KDM5B: variants seen among roughly 807,000 people sequenced by gnomAD.
The protein encoded by KDM5B is lysine demethylase 5B.
A neutral mutation model predicts 193.4 loss-of-function variants in KDM5B; 144 were observed. The observed-to-expected ratio is 0.74, with a 90% CI of 0.65 to 0.86. The LOEUF is 0.86. Ranked by LOEUF, KDM5B falls within the 40% of genes least tolerant of loss-of-function variation. The probability of loss-of-function intolerance (pLI) is 0.00; values close to 1 mark genes in which losing one functional copy is unlikely to be tolerated. For missense variants in KDM5B, 1,833 were observed against 1,886.9 expected, an observed-to-expected ratio of 0.97 and a Z score of 0.53; for synonymous variants, 668 against 682.6, an observed-to-expected ratio of 0.98 and a Z score of 0.33.
At chr1:202,777,247 T>C (rs1009544148) in intron 1 of KDM5B, among the ~76,000 whole-genome samples, 153 bp from the exon 2 acceptor site, 3 of 151,326 alleles carry the variant, frequency 2.0e-5, no homozygotes, top group Admixed American at 6.6e-5. Context: ...CTTTTGTCCA[T>C]GAGAGCAGCA....
At chr1:202,802,326 C>T (rs1658107966) in intron 1 of KDM5B, among the ~76,000 whole-genome samples, 1 of 152,120 alleles carries the variant, frequency 6.6e-6, no homozygotes, top group Admixed American at 6.5e-5. Context: ...CCCATTACAG[C>T]ATTTAAACAG....
intron 9 of KDM5B, among the ~76,000 whole-genome samples, chr1:202,757,081 G>T (rs1184612182): frequency 3.3e-5 from 4 of 122,152 alleles, no homozygotes; most frequent in Admixed American, 9.1e-5. Context: ...AGGGCAGGGC[G>T]CAAGGGCTGG....
rs757782791 is a variant in KDM5B, at chr1:202,735,561, G to A, written c.3291C>T (p.Gly1097=). Residue 1097 remains glycine (G), a synonymous_variant, in exon 22 of 27, where the codon GGC becomes GGT. Transcript: ENST00000367265. ...TCTGCTTCCTTTTCAATCCCAAAAG[G>A]CCAATATCACATCGAGGACACAGCA... ...LEVLCPRCDI[G]LLGLKRKQRK... 5 of 1,613,758 alleles carry A rather than the reference G, an allele frequency of 3.1e-6. No individual in the cohort carries two copies. Among genetic ancestry groups the A allele is most frequent in the Non-Finnish European group, 4.2e-6 (5 of 1,179,892 alleles).
chr1:202,760,649 T>C lies in KDM5B; in HGVS notation c.919-76A>G, dbSNP rs1051898144. The C allele has an allele frequency of 6.5e-6, 7 of 1,079,470 alleles. No homozygotes were observed. In the African/African-American group the frequency reaches 9.8e-5, roughly 15 times the overall value. 66.9% of individuals were successfully genotyped at this position (1,079,470 alleles called of 1,614,324 possible). A position where few individuals can be genotyped will look rare whatever the true frequency, so the allele number is the denominator to read the frequency against. ...ATTTTCTAAAATTCTAGAAATGAAATGGATCTGAGACATAATCTAGTCTCT... is the reference window on the plus strand; with the variant it reads ...ATTTTCTAAAATTCTAGAAATGAAACGGATCTGAGACATAATCTAGTCTCT... On this transcript the variant is annotated intron_variant, in intron 7 of 26. Coordinates refer to ENST00000367265, the MANE Select transcript of KDM5B (RefSeq NM_006618.5).
chr1:202,733,281 G>T, intron 23 of KDM5B, 120 bp downstream of exon 23: 1 of 1,058,616 alleles, frequency 9.4e-7, no homozygotes, highest in Non-Finnish European at 1.4e-6. Context: ...AGGTAAAGTG[G>T]GTGCTGTTAA....
chr1:202,741,413 C>A lies in KDM5B; in HGVS notation c.2899G>T (p.Val967Leu), dbSNP rs746150898. The part of the protein sequence containing the change: ...AMARLQELLT[V>L]SEHWDDKAKS... ...GCTTTGTCGTCCCAGTGCTCTGACA[C>A]TGTGAGCAGTTCCTGCAGCCGGGCC... The change falls in exon 19 of 27, where the codon GTG becomes TTG. Residue 967 changes from valine to leucine, a missense_variant. This residue lies in a region of KDM5B where 1,379 missense variants were observed against 1,349.6 expected (regional missense o/e 1.02). Coordinates refer to ENST00000367265, the MANE Select transcript of KDM5B (RefSeq NM_006618.5). The A allele has an allele frequency of 6.3e-7, 1 of 1,594,990 alleles. No individual in the cohort carries two copies. The highest frequency in any genetic ancestry group is 8.6e-7 in the Non-Finnish European group (1 of 1,169,468).
chr1:202,768,104 C>T (rs756322886), intron 4 of KDM5B, among the ~76,000 whole-genome samples: 4 of 152,158 alleles, frequency 2.6e-5, no homozygotes, highest in African/African-American at 7.2e-5. Flanking sequence ...AAGTCTAACT[C>T]GCAAGGCAAA....
chr1:202,788,905 T>C (rs1370452486), intron 1 of KDM5B, among the ~76,000 whole-genome samples: 1 of 152,170 alleles, frequency 6.6e-6, no homozygotes, highest in Admixed American at 6.5e-5. Flanking sequence ...AAGGATTATA[T>C]ACTTTAAAAA....
chr1:202,788,719 G>A (rs12568738), intron 1 of KDM5B, among the ~76,000 whole-genome samples: 8,951 of 152,102 alleles, frequency 0.059, 454 homozygotes, highest in East Asian at 0.24. Flanking sequence ...AATTATAATT[G>A]GTGCACATAT....
At chr1:202,764,231 T>G in intron 5 of KDM5B, 86 bp from the exon 6 acceptor site, 1 of 663,388 alleles carries the variant, frequency 1.5e-6, no homozygotes, top group Non-Finnish European at 2.5e-6. Context: ...GGTGACTATA[T>G]CCTACCAATT....
chr1:202,804,254 GT>G (rs67664728), intron 1 of KDM5B, among the ~76,000 whole-genome samples: 102,759 of 150,946 alleles, frequency 0.68, 37,234 homozygotes, highest in Admixed American at 0.82. Context: ...CAATAAAAGG[GT>G]TTTTTTTTTA....
chr1:202,732,903 A>C (rs1654939738), intron 23 of KDM5B, among the ~76,000 whole-genome samples: 1 of 152,238 alleles, frequency 6.6e-6, no homozygotes, highest in Non-Finnish European at 1.5e-5. Context: ...AAGATCGCAA[A>C]TGGTGTGTAA....
intron 9 of KDM5B, among the ~76,000 whole-genome samples, chr1:202,757,080 C>T (rs554123090): frequency 2.4e-5 from 3 of 127,102 alleles, no homozygotes; most frequent in Non-Finnish European, 5.3e-5. Flanking sequence ...AAGGGCAGGG[C>T]GCAAGGGCTG....
At chr1:202,783,514 AAAAC>A (rs992930762) in intron 1 of KDM5B, among the ~76,000 whole-genome samples, 2 of 152,174 alleles carry the variant, frequency 1.3e-5, no homozygotes, top group Non-Finnish European at 2.9e-5. Flanking sequence ...AAAAAAAACA[AAAAC>A]AAACAAAAAA....
rs1553354252 is a variant in KDM5B at position 202,753,664 on chromosome 1, G to GTTGT, written c.1539-598_1539-597insACAA. Among the ~76,000 whole-genome samples the GTTGT allele has an allele frequency of 1.5e-4, 16 of 105,822 alleles. 1 individual carries two copies. The highest frequency in any genetic ancestry group is 3.2e-4 in the South Asian group (1 of 3,080). The allele number at this position is 105,822 out of a possible 152,430, so 69.4% of individuals were successfully genotyped here. ...CTAGAATTTCTCTTTTGTTGTTGTT[G>GTTGT]TTTTTTTTTTGTTTTTTTTTTTTGA... is the stretch of plus-strand genomic sequence containing the variant. On this transcript the variant is annotated intron_variant, in intron 11 of 26. Transcript: ENST00000367265.
chr1:202,788,623 T>C (rs1215305024), intron 1 of KDM5B, among the ~76,000 whole-genome samples: 1 of 152,196 alleles, frequency 6.6e-6, no homozygotes, highest in Non-Finnish European at 1.5e-5. Flanking sequence ...GAAAGCATTA[T>C]TTCTTTCATG....
At chr1:202,802,753 T>C (rs1572787756) in intron 1 of KDM5B, among the ~76,000 whole-genome samples, 2 of 152,166 alleles carry the variant, frequency 1.3e-5, no homozygotes, top group African/African-American at 4.8e-5. Flanking sequence ...CACTTATAAA[T>C]GTAAACCAGT....
At chr1:202,756,646 TAGG>T (rs1388399813) in intron 9 of KDM5B, 130 bp from the exon 10 acceptor site, 33 of 602,518 alleles carry the variant, frequency 5.5e-5, no homozygotes, top group Admixed American at 1.2e-4. Context: ...TAATTGATCT[TAGG>T]CAATTCAGGA....
chr1:202,800,401 C>T (rs1390704798), intron 1 of KDM5B, among the ~76,000 whole-genome samples: 3 of 151,804 alleles, frequency 2.0e-5, no homozygotes, highest in Non-Finnish European at 2.9e-5. Flanking sequence ...AGTGCAGTGG[C>T]GTGATCAGGG....
Sources: allele counts gnomAD v4.1 joint callset (sites outside exome capture counted in the v4.1 genomes callset), GRCh38; gene constraint gnomAD v4.1.1; regional missense constraint gnomAD v4.1.1; transcripts MANE v1.5; gene names NCBI Gene and HGNC (gene_info 2026-07-23, HGNC 2026-07-21).